Variants in RAPSN observed in about 807,000 individuals in gnomAD.
RAPSN encodes 43 kDa receptor-associated protein of the synapse.
RAPSN carries 33 observed loss-of-function variants against 45.7 expected under a neutral mutation model. The ratio of observed to expected loss-of-function variants is 0.72; its 90% CI spans 0.55 to 0.97. RAPSN has a LOEUF of 0.97. RAPSN is among the 50% of genes least tolerant of loss of function. The pLI is 0.00. For synonymous variants in RAPSN, 244 were observed against 233.6 expected (o/e 1.04, Z -0.40); for missense variants, 519 against 559.4 (o/e 0.93, Z 0.73).
chr11:47,441,573 T>C, intron 5 of RAPSN, 38 bp downstream of exon 5: 2 of 1,600,466 alleles, frequency 1.2e-6, no homozygotes, highest in Non-Finnish European at 8.5e-7. Context: ...TGGGGAGTGC[T>C]GGGAGGGCTG....
intron 2 of RAPSN, among the ~76,000 whole-genome samples, chr11:47,447,269 G>A (rs1356685136): frequency 6.6e-6 from 1 of 152,120 alleles, no homozygotes; most frequent in Non-Finnish European, 1.5e-5. Flanking sequence ...GCCCCGCTTC[G>A]CTTTCTCCTA....
intron 2 of RAPSN, among the ~76,000 whole-genome samples, chr11:47,447,581 C>T (rs1398843638): frequency 6.6e-6 from 1 of 152,198 alleles, no homozygotes. Context: ...AGGAGCCTCC[C>T]ATTATTCCTC....
Position 47,442,741 on chromosome 11 carries a change from A to G in RAPSN, c.605T>C (p.Leu202Pro), listed in dbSNP as rs1423328134. ...GTACTGGCTCATGGCCCGGTACTTC[A>G]GGCTCCAGCCTTTGCCATAGTTGTT... The part of the protein sequence containing the change: ...LVNNYGKGWS[L>P]KYRAMSQYHM... The change falls in exon 3 of 8, where the codon CTG (leucine) becomes CCG (proline). Residue 202 changes from leucine (L) to proline (P), a missense_variant. Physicochemically the swap from Leu to Pro is moderately conservative, Grantham distance 98. Transcript: ENST00000298854. 3 of 1,614,248 alleles carry G rather than the reference A, an allele frequency of 1.9e-6. No homozygotes were observed. The South Asian group carries it at 3.3e-5, about 18-fold the overall frequency.
In RAPSN at chr11:47,447,870, T is replaced by A; in HGVS notation, c.473A>T (p.Asp158Val). 1 of 1,613,506 alleles carries A rather than the reference T, an allele frequency of 6.2e-7. No homozygotes were observed. The highest frequency in any genetic ancestry group is 1.3e-5 in the African/African-American group (1 of 74,994). Residue 158 changes from aspartate (D) to valine (V), a missense_variant, in exon 2 of 8, where the codon GAC (aspartate) becomes GTC (valine). Asp to Val is a radical substitution (Grantham distance 152, BLOSUM62 -3). Transcript: ENST00000298854. ...GCACACGCGGCACTCGAGCATGGCG[T>A]CATCATTGTTGTGGGCATAGCGCAG... ...KALRYAHNNDDAMLECRVCCS... is the reference protein window; with the variant it reads ...KALRYAHNNDVAMLECRVCCS...
At position 47,437,906 on chromosome 11, in the gene RAPSN, T is replaced by C; in HGVS notation, c.*69A>G. The C allele has an allele frequency of 1.9e-6, 3 of 1,541,246 alleles. No individual in the cohort carries two copies. The highest frequency in any genetic ancestry group is 2.6e-6 in the Non-Finnish European group (3 of 1,138,260). On this transcript the variant is annotated 3_prime_UTR_variant, in exon 8 of 8. Coordinates refer to ENST00000298854, the MANE Select transcript of RAPSN (RefSeq NM_005055.5). ...ACCTGGCAGCTGCCCCAGGAGTAAA[T>C]GGGCCTCTGGCGTGCAGTGGAGAAA...
At chr11:47,445,263 T>C (rs1015811566) in intron 2 of RAPSN, among the ~76,000 whole-genome samples, 5 of 150,618 alleles carry the variant, frequency 3.3e-5, no homozygotes, top group Non-Finnish European at 7.4e-5. Flanking sequence ...TTTCAATGAC[T>C]TTGGAACAAA....
intron 2 of RAPSN, among the ~76,000 whole-genome samples, chr11:47,443,632 A>G (rs1396329717): frequency 6.6e-6 from 1 of 152,012 alleles, no homozygotes; most frequent in Non-Finnish European, 1.5e-5. Flanking sequence ...TTCTCATCTC[A>G]TTTAAAAAAT....
chr11:47,445,762 A>G (rs557177089), intron 2 of RAPSN, among the ~76,000 whole-genome samples: 10 of 152,268 alleles, frequency 6.6e-5, no homozygotes, highest in African/African-American at 2.4e-4. Flanking sequence ...AAGATTTTTC[A>G]TCTAAGAGAA....
chr11:47,438,575 G>A (rs140425916), intron 7 of RAPSN, 157 bp downstream of exon 7: 195 of 830,462 alleles, frequency 2.3e-4, no homozygotes, highest in East Asian at 2.0e-3. Context: ...AGCCCGCCTC[G>A]GCCTCCCAAA....
intron 4 of RAPSN, 44 bp from the exon 5 acceptor site, chr11:47,441,777 G>A: frequency 2.2e-5 from 35 of 1,592,758 alleles, no homozygotes; most frequent in Non-Finnish European, 3.0e-5. Context: ...TATCAGGCCT[G>A]TGCCCCTGCC....
Position 47,449,091 on chromosome 11 carries a change from G to A in RAPSN, c.-127C>T. ...TGGGAACAAAAGCAGCGTCGGGTGG[G>A]AGCCGGAATGGGGCCTGGATGGAGA... On this transcript the variant is annotated 5_prime_UTR_variant, in exon 1 of 8. Coordinates refer to ENST00000298854, the MANE Select transcript of RAPSN (RefSeq NM_005055.5). The A allele has an allele frequency of 8.7e-7, 1 of 1,152,960 alleles. No homozygotes were observed. The allele number at this position is 1,152,960 out of a possible 1,614,324, so 71.4% of individuals were successfully genotyped here. A position where few individuals can be genotyped will look rare whatever the true frequency, so the allele number is the denominator to read the frequency against.
Position 47,447,876 on chromosome 11 carries a change from T to C in RAPSN, c.467A>G (p.Asn156Ser), listed in dbSNP as rs2076421180. Reference sequence around the variant, plus strand: ...GCGGCACTCGAGCATGGCGTCATCATTGTTGTGGGCATAGCGCAGGGCCTT... The same window carrying C: ...GCGGCACTCGAGCATGGCGTCATCACTGTTGTGGGCATAGCGCAGGGCCTT... ...FEKALRYAHN[N>S]DDAMLECRVC... Residue 156 changes from asparagine to serine, a missense_variant, in exon 2 of 8, where the codon AAT (asparagine) becomes AGT (serine). Coordinates refer to ENST00000298854, the MANE Select transcript of RAPSN (RefSeq NM_005055.5). 6.2e-7 allele frequency: 1 copy of C among 1,613,540 alleles called. No homozygotes were observed.
intron 6 of RAPSN, among the ~76,000 whole-genome samples, chr11:47,440,822 G>A (rs981102976): frequency 1.3e-5 from 2 of 151,906 alleles, no homozygotes; most frequent in African/African-American, 4.8e-5. Context: ...GGCTGCTCTC[G>A]AACTTCTGGG....
At chr11:47,442,508 G>A in intron 3 of RAPSN, 148 bp downstream of exon 3, 1 of 832,566 alleles carries the variant, frequency 1.2e-6, no homozygotes, top group South Asian at 1.8e-5. Context: ...GTGCATGGTG[G>A]TGCACGCCTT....
chr11:47,440,219 G>GCA (rs1386815464), intron 6 of RAPSN, among the ~76,000 whole-genome samples: 1 of 152,154 alleles, frequency 6.6e-6, no homozygotes, highest in African/African-American at 2.4e-5. Context: ...AGTGAGGACT[G>GCA]GACCCAGTAC....
At position 47,447,858 on chromosome 11, in the gene RAPSN, T is replaced by C. The variant is rs766327035; in HGVS notation, c.485A>G (p.Glu162Gly). The change falls in exon 2 of 8, where the codon GAG becomes GGG. Residue 162 changes from glutamate to glycine, a missense_variant. By Grantham distance (98) the Glu-to-Gly change is moderately conservative. Coordinates refer to ENST00000298854, the MANE Select transcript of RAPSN (RefSeq NM_005055.5). ...GCCCAGGCTGCAGCACACGCGGCAC[T>C]CGAGCATGGCGTCATCATTGTTGTG... ...YAHNNDDAML[E>G]CRVCCSLGSF... 1 of 1,613,538 alleles carries C rather than the reference T, an allele frequency of 6.2e-7. No individual in the cohort carries two copies. The highest frequency in any genetic ancestry group is 8.5e-7 in the Non-Finnish European group (1 of 1,179,876).
In RAPSN at chr11:47,442,732, C is replaced by G. The variant is rs34625105; in HGVS notation, c.614G>C (p.Arg205Pro). The G allele has an allele frequency of 3.1e-6, 5 of 1,614,144 alleles. No homozygotes were observed. In the Admixed American group the frequency reaches 6.7e-5, roughly 22 times the overall value. The change falls in exon 3 of 8, where the codon CGG (arginine) becomes CCG (proline). Residue 205 changes from arginine (R) to proline (P), a missense_variant. Physicochemically the swap from Arg to Pro is moderately radical, Grantham distance 103. Coordinates refer to ENST00000298854, the MANE Select transcript of RAPSN (RefSeq NM_005055.5). ...NYGKGWSLKY[R>P]AMSQYHMAVA... The stretch of plus-strand genomic sequence containing the variant: ...GGCCATGTGGTACTGGCTCATGGCC[C>G]GGTACTTCAGGCTCCAGCCTTTGCC...
Position 47,437,999 on chromosome 11 carries a change from T to G in RAPSN, c.1215A>C (p.Ser405=). 1 of 1,550,514 alleles carries G rather than the reference T, an allele frequency of 6.4e-7. No individual in the cohort carries two copies. The highest frequency in any genetic ancestry group is 2.4e-5 in the East Asian group (1 of 40,914). ...GTRSCPNCRR[S]SMKPGFV ...GTCATACAAAGCCAGGCTTCATGGA[T>G]GAGCGGCGGCAGTTGGGACAGCTCC... The change falls in exon 8 of 8, where the codon TCA becomes TCC. Residue 405 remains serine, a synonymous_variant. Coordinates refer to ENST00000298854, the MANE Select transcript of RAPSN (RefSeq NM_005055.5).
In RAPSN at chr11:47,438,729, C is replaced by A. The variant is rs1440326081; in HGVS notation, c.1166+3G>T. ...CCCTGTCCACCCCCCCAGGAGCCCC[C>A]ACCTGAGGTGGAAGATGTGGGAGCA... On this transcript the variant is annotated splice_donor_region_variant and intron_variant, in intron 7 of 7. Coordinates refer to ENST00000298854, the MANE Select transcript of RAPSN (RefSeq NM_005055.5). The A allele has an allele frequency of 3.8e-6, 6 of 1,559,496 alleles. No individual in the cohort carries two copies. In the South Asian group the frequency reaches 4.7e-5, roughly 12 times the overall value.
Sources: allele counts gnomAD v4.1 joint callset (sites outside exome capture counted in the v4.1 genomes callset), GRCh38; gene constraint gnomAD v4.1.1; transcripts MANE v1.5; gene names NCBI Gene and HGNC (gene_info 2026-07-23, HGNC 2026-07-21).